CNTNAP5: variants seen among roughly 807,000 people sequenced by gnomAD.
CNTNAP5 encodes contactin-associated protein-like 5.
In CNTNAP5, 72 loss-of-function variants were observed where a neutral mutation model predicts 150.2. That is an observed-to-expected ratio of 0.48 (90% CI 0.40 to 0.58). The LOEUF (loss-of-function observed/expected upper bound fraction) is 0.58, where lower values mean the gene tolerates loss of function less well. CNTNAP5 is among the 20% of genes least tolerant of loss of function. The pLI is 0.00. For missense variants in CNTNAP5, 1,636 were observed against 1,626.2 expected, an observed-to-expected ratio of 1.01 and a Z score of -0.10; for synonymous variants, 672 against 619.8, an observed-to-expected ratio of 1.08 and a Z score of -1.25.
intron 12 of CNTNAP5, among the ~76,000 whole-genome samples, chr2:124,646,195 T>G (rs1678198620): frequency 6.6e-6 from 1 of 152,178 alleles, no homozygotes; most frequent in African/African-American, 2.4e-5. Context: ...GAAACTAAGG[T>G]TTGGAAAGAT....
intron 12 of CNTNAP5, among the ~76,000 whole-genome samples, chr2:124,632,480 A>G (rs1304363277): frequency 6.6e-6 from 1 of 152,082 alleles, no homozygotes; most frequent in African/African-American, 2.4e-5. Context: ...ACATGTTCTC[A>G]CTTATAAGCA....
intron 3 of CNTNAP5, among the ~76,000 whole-genome samples, chr2:124,393,318 G>A (rs539912739): frequency 6.6e-6 from 1 of 152,244 alleles, no homozygotes; most frequent in South Asian, 2.1e-4. Context: ...GATTGCTCAT[G>A]TGCTCTTCAA....
intron 19 of CNTNAP5, among the ~76,000 whole-genome samples, chr2:124,803,032 G>A (rs2104647638): frequency 6.6e-6 from 1 of 151,384 alleles, no homozygotes; most frequent in East Asian, 2.0e-4. Context: ...GGAGAATGAT[G>A]TGAACCCGGG....
At chr2:124,750,601 C>T (rs561807600) in intron 14 of CNTNAP5, among the ~76,000 whole-genome samples, 4 of 152,200 alleles carry the variant, frequency 2.6e-5, no homozygotes, top group African/African-American at 9.6e-5. Context: ...CATTACGGTC[C>T]CTGCCCTTGA....
At chr2:124,521,980 C>T (rs912134743) in intron 8 of CNTNAP5, among the ~76,000 whole-genome samples, 9 of 152,118 alleles carry the variant, frequency 5.9e-5, no homozygotes, top group Non-Finnish European at 1.3e-4. Flanking sequence ...GGGTTCTCTT[C>T]TTCACCCCAA....
At chr2:124,796,161 G>A (rs1292125468) in intron 18 of CNTNAP5, among the ~76,000 whole-genome samples, 1 of 152,076 alleles carries the variant, frequency 6.6e-6, no homozygotes, top group East Asian at 1.9e-4. Context: ...AACTGGGGCT[G>A]GAGGAAGAGT....
chr2:124,388,533 T>C (rs527513457), intron 3 of CNTNAP5, among the ~76,000 whole-genome samples: 122 of 152,334 alleles, frequency 8.0e-4, no homozygotes, highest in African/African-American at 2.8e-3. Context: ...AGGCATTTTC[T>C]GAACCTTCAT....
intron 2 of CNTNAP5, among the ~76,000 whole-genome samples, chr2:124,238,652 A>T (rs1361004648): frequency 6.6e-6 from 1 of 152,190 alleles, no homozygotes; most frequent in Non-Finnish European, 1.5e-5. Context: ...GTTAATAGCC[A>T]TTGATACATC....
chr2:124,463,032 C>T (rs1251065546), intron 6 of CNTNAP5, among the ~76,000 whole-genome samples: 6 of 152,270 alleles, frequency 3.9e-5, no homozygotes, highest in Admixed American at 2.0e-4. Context: ...CGGTGGCAAC[C>T]TCCTATGTCA....
chr2:124,562,110 AT>A (rs1695907853), intron 10 of CNTNAP5, among the ~76,000 whole-genome samples: 1 of 152,170 alleles, frequency 6.6e-6, no homozygotes, highest in African/African-American at 2.4e-5. Context: ...AGTAAAGGGG[AT>A]TTGAACTCAG....
intron 19 of CNTNAP5, among the ~76,000 whole-genome samples, chr2:124,843,282 T>C (rs1682981162): frequency 6.6e-6 from 1 of 152,022 alleles, no homozygotes; most frequent in Non-Finnish European, 1.5e-5. Flanking sequence ...TATCCACTCG[T>C]TGATCGATGA....
intron 7 of CNTNAP5, among the ~76,000 whole-genome samples, chr2:124,491,453 G>GGA (rs3980966): frequency 0.13 from 19,291 of 150,192 alleles, 1,576 homozygotes; most frequent in Non-Finnish European, 0.19. Flanking sequence ...ACACACATAT[G>GGA]GAGAGAGAGA....
intron 6 of CNTNAP5, among the ~76,000 whole-genome samples, chr2:124,460,079 A>G (rs2104819773): frequency 6.6e-6 from 1 of 152,352 alleles, no homozygotes; most frequent in Admixed American, 6.5e-5. Flanking sequence ...TACAGAAATC[A>G]TCTCCAATAT....
At chr2:124,706,925 A>AGGAGG (rs1558743318) in intron 13 of CNTNAP5, among the ~76,000 whole-genome samples, 2 of 109,254 alleles carry the variant, frequency 1.8e-5, no homozygotes, top group East Asian at 2.9e-4. Context: ...GGAGAAGAAG[A>AGGAGG]AGAAGAAGAA....
At chr2:124,592,491 A>C (rs572477319) in intron 11 of CNTNAP5, among the ~76,000 whole-genome samples, 7 of 151,928 alleles carry the variant, frequency 4.6e-5, no homozygotes, top group Admixed American at 3.3e-4. Context: ...TAGAAAAATA[A>C]ATGCAAATAA....
intron 7 of CNTNAP5, among the ~76,000 whole-genome samples, chr2:124,487,801 T>G (rs915573552): frequency 1.7e-4 from 26 of 152,110 alleles, no homozygotes; most frequent in Admixed American, 1.7e-3. Flanking sequence ...AGGCTTTTTT[T>G]TCCCCCATGT....
intron 3 of CNTNAP5, among the ~76,000 whole-genome samples, chr2:124,332,524 TAAG>T (rs1286935949): frequency 4.0e-5 from 6 of 151,380 alleles, no homozygotes; most frequent in African/African-American, 1.4e-4. Context: ...TTTATAAACT[TAAG>T]AAACCAAAAA....
At chr2:124,174,054 A>G (rs1821954) in intron 1 of CNTNAP5, among the ~76,000 whole-genome samples, 117,047 of 151,098 alleles carry the variant, frequency 0.77, 45,930 homozygotes, top group Non-Finnish European at 0.8. Flanking sequence ...CAGCACATCT[A>G]TCTATAGCAT....
intron 13 of CNTNAP5, among the ~76,000 whole-genome samples, chr2:124,739,978 A>G (rs1238339123): frequency 1.3e-5 from 2 of 152,010 alleles, no homozygotes; most frequent in African/African-American, 2.4e-5. Context: ...ATTAAAGTTT[A>G]TATCACTCAC....
Sources: allele counts gnomAD v4.1 joint callset (sites outside exome capture counted in the v4.1 genomes callset), GRCh38; gene constraint gnomAD v4.1.1; transcripts MANE v1.5; gene names NCBI Gene and HGNC (gene_info 2026-07-23, HGNC 2026-07-21).